Variants in ADGRF3 observed in about 807,000 individuals in gnomAD.
ADGRF3 encodes G protein-coupled receptor 113.
In ADGRF3, 85 loss-of-function variants were observed where a neutral mutation model predicts 93.2. The observed-to-expected ratio is 0.91, with a 90% CI of 0.77 to 1.09. The LOEUF is 1.09. Among genes scored for constraint, ADGRF3 ranks in the 50% least tolerant of loss-of-function variants. ADGRF3 has a pLI of 0.00. For missense variants in ADGRF3, 1,125 were observed against 1,246.2 expected (o/e 0.90, Z 1.46); for synonymous variants, 534 against 532.5 (o/e 1.00, Z -0.04).
At chr2:26,315,373 A>G in intron 5 of ADGRF3, 149 bp downstream of exon 5, 1 of 903,116 alleles carries the variant, frequency 1.1e-6, no homozygotes, top group Non-Finnish European at 1.6e-6. Context: ...GGAAAGATGA[A>G]AAGGGTGAGA....
Position 26,346,069 on chromosome 2 carries a change from AAG to A in ADGRF3, c.114+50_114+51del, listed in dbSNP as rs1558406825. On this transcript the variant is annotated intron_variant, in intron 1 of 13. Coordinates refer to ENST00000651242, the MANE Select transcript of ADGRF3 (RefSeq NM_001321971.2). ...GCGCTTGCGCACTGAGAGGCGGCCG[AAG>A]GGGCCGAGGCGGCTACGCGTGCGCG... is the stretch of plus-strand genomic sequence containing the variant. 1.3e-4 allele frequency: 194 copies of A among 1,515,910 alleles called. No individual in the cohort carries two copies. In the African/African-American group the frequency reaches 2.3e-3, roughly 18 times the overall value. 93.9% of individuals were successfully genotyped at this position (1,515,910 alleles called of 1,614,324 possible).
intron 1 of ADGRF3, among the ~76,000 whole-genome samples, chr2:26,338,214 A>C (rs1276413365): frequency 6.6e-6 from 1 of 152,016 alleles, no homozygotes; most frequent in East Asian, 1.9e-4. Flanking sequence ...CAGGAGGATG[A>C]AAAAAAGATA....
rs1675163694 is a variant in ADGRF3 at position 26,321,785 on chromosome 2, A to G, written c.115-4223T>C. On this transcript the variant is annotated intron_variant, in intron 1 of 13. Coordinates refer to ENST00000651242, the MANE Select transcript of ADGRF3 (RefSeq NM_001321971.2). ...TCAGGAGTTCGAGACCAGTCTGGCCAACATGGTGAAACCCCGTTTCTACTA... is the reference window on the plus strand; with the variant it reads ...TCAGGAGTTCGAGACCAGTCTGGCCGACATGGTGAAACCCCGTTTCTACTA... Among the ~76,000 whole-genome samples the G allele has an allele frequency of 2.6e-5, 4 of 152,122 alleles. No homozygotes were observed. The South Asian group carries it at 8.3e-4, about 32-fold the overall frequency.
intron 1 of ADGRF3, among the ~76,000 whole-genome samples, chr2:26,335,865 G>A (rs1489423463): frequency 6.6e-6 from 1 of 152,128 alleles, no homozygotes; most frequent in Non-Finnish European, 1.5e-5. Flanking sequence ...TTCAAAGTGG[G>A]ATTACTAGGT....
At chr2:26,309,620 T>C (rs754474342) in intron 12 of ADGRF3, 39 bp from the exon 13 acceptor site, 9 of 1,604,416 alleles carry the variant, frequency 5.6e-6, no homozygotes, top group Non-Finnish European at 7.7e-6. Flanking sequence ...AGGGCAGTTA[T>C]TAGTATTGTC....
chr2:26,336,038 T>A (rs1260993128), intron 1 of ADGRF3, among the ~76,000 whole-genome samples: 2 of 152,196 alleles, frequency 1.3e-5, no homozygotes, highest in Non-Finnish European at 2.9e-5. Context: ...GTCTTTACCT[T>A]CAAGGCACTT....
intron 4 of ADGRF3, 51 bp from the exon 5 acceptor site, chr2:26,315,791 C>T (rs939191932): frequency 3.2e-6 from 5 of 1,547,436 alleles, no homozygotes; most frequent in Non-Finnish European, 4.4e-6. Context: ...TTATGGCCCT[C>T]AGATGCAGCC....
In ADGRF3 at chr2:26,310,073, G is replaced by C. The variant is rs371430840; in HGVS notation, c.2907C>G (p.Arg969=). 6.2e-7 allele frequency: 1 copy of C among 1,614,044 alleles called. No homozygotes were observed. ...AGATGGTGGAGCTGGGGGCTTGGGC[G>C]CGGCAGAAGCGTTTGCGCAAAGCTT... is the stretch of plus-strand genomic sequence containing the variant. ...IQEALRKRFC[R]AQAPSSTISL... Residue 969 remains arginine (R), a synonymous_variant, in exon 12 of 14, where the codon CGC becomes CGG. Transcript: ENST00000651242.
intron 8 of ADGRF3, 55 bp from the exon 9 acceptor site, chr2:26,313,177 A>G: frequency 6.3e-7 from 1 of 1,596,888 alleles, no homozygotes; most frequent in South Asian, 1.1e-5. Flanking sequence ...ATGGTTTGAG[A>G]AGAGCATCCC....
At chr2:26,341,261 C>T (rs1188935463) in intron 1 of ADGRF3, among the ~76,000 whole-genome samples, 1 of 152,142 alleles carries the variant, frequency 6.6e-6, no homozygotes, top group Non-Finnish European at 1.5e-5. Flanking sequence ...CGCCTGTAGT[C>T]CCAGCTACTC....
At chr2:26,342,721 T>C (rs910750082) in intron 1 of ADGRF3, among the ~76,000 whole-genome samples, 1 of 152,210 alleles carries the variant, frequency 6.6e-6, no homozygotes, top group Non-Finnish European at 1.5e-5. Flanking sequence ...CACTCAGGAA[T>C]GTGGCGTGTA....
At chr2:26,316,156 C>G in intron 4 of ADGRF3, 119 bp downstream of exon 4, 1 of 1,085,382 alleles carries the variant, frequency 9.2e-7, no homozygotes, top group South Asian at 1.6e-5. Flanking sequence ...TTTCTCCCAC[C>G]CAGAGGAGCA....
intron 1 of ADGRF3, among the ~76,000 whole-genome samples, chr2:26,319,320 C>G (rs1420933683): frequency 2.0e-5 from 3 of 152,084 alleles, no homozygotes; most frequent in Non-Finnish European, 4.4e-5. Context: ...CTTAGGGGTT[C>G]GAAGTCACAA....
chr2:26,337,076 C>T (rs1303317404), intron 1 of ADGRF3, among the ~76,000 whole-genome samples: 1 of 152,214 alleles, frequency 6.6e-6, no homozygotes, highest in African/African-American at 2.4e-5. Context: ...ATGAAGCCTA[C>T]TTACTGTATT....
At chr2:26,321,171 C>G (rs10195740) in intron 1 of ADGRF3, among the ~76,000 whole-genome samples, 1,593 of 152,240 alleles carry the variant, frequency 0.01, 25 homozygotes, top group African/African-American at 0.037. Context: ...CTCCAATCCC[C>G]CCTTGCCAGT....
chr2:26,315,780 C>G, intron 4 of ADGRF3, 40 bp from the exon 5 acceptor site: 1 of 1,549,390 alleles, frequency 6.5e-7, no homozygotes, highest in Non-Finnish European at 8.7e-7. Flanking sequence ...GGAGGAGGGA[C>G]TTATGGCCCT....
intron 1 of ADGRF3, among the ~76,000 whole-genome samples, chr2:26,335,493 A>C (rs1380419134): frequency 6.6e-6 from 1 of 152,170 alleles, no homozygotes; most frequent in African/African-American, 2.4e-5. Context: ...ATTCATGTAC[A>C]AGTTTTTGGA....
chr2:26,314,469 G>A lies in ADGRF3; in HGVS notation c.873C>T (p.Ile291=). ...TSPGFQLSCC[I]PSTNLAYTAA... Reference sequence around the variant, plus strand: ...CGGTGTAGGCCAGGTTTGTGCTGGGGATGCAGCAGCTCAGCTGGAAGCCAG... The same window carrying A: ...CGGTGTAGGCCAGGTTTGTGCTGGGAATGCAGCAGCTCAGCTGGAAGCCAG... The change falls in exon 6 of 14, where the codon ATC becomes ATT. Residue 291 remains isoleucine, a synonymous_variant. Coordinates refer to ENST00000651242, the MANE Select transcript of ADGRF3 (RefSeq NM_001321971.2). 6.2e-7 allele frequency: 1 copy of A among 1,614,044 alleles called. No homozygotes were observed. The highest frequency in any genetic ancestry group is 2.2e-5 in the East Asian group (1 of 44,884).
chr2:26,345,538 G>C (rs1676664878), intron 1 of ADGRF3, among the ~76,000 whole-genome samples: 1 of 152,146 alleles, frequency 6.6e-6, no homozygotes, highest in African/African-American at 2.4e-5. Context: ...TCCCTCTGCT[G>C]ACCGCACAAA....
Sources: allele counts gnomAD v4.1 joint callset (sites outside exome capture counted in the v4.1 genomes callset), GRCh38; gene constraint gnomAD v4.1.1; transcripts MANE v1.5; gene names NCBI Gene and HGNC (gene_info 2026-07-23, HGNC 2026-07-21).